FHIT: variants seen among roughly 807,000 people sequenced by gnomAD.
The protein encoded by FHIT is bis(5'-adenosyl)-triphosphatase.
FHIT carries 19 observed loss-of-function variants against 17.9 expected under a neutral mutation model. The ratio of observed to expected loss-of-function variants is 1.06; its 90% CI spans 0.74 to 1.56. The LOEUF (loss-of-function observed/expected upper bound fraction) is 1.56, where lower values mean the gene tolerates loss of function less well. Ranked by LOEUF, FHIT falls within the 40% of genes most tolerant of loss-of-function variation. The pLI, the probability that FHIT is intolerant of heterozygous loss-of-function variation, is 0.00. For synonymous variants in FHIT, 81 were observed against 69.7 expected (o/e 1.16, Z -0.81); for missense variants, 248 against 189.2 (o/e 1.31, Z -1.82).
chr3:60,406,315 G>T (rs373454346), intron 5 of FHIT, among the ~76,000 whole-genome samples: 20 of 152,274 alleles, frequency 1.3e-4, no homozygotes, highest in Admixed American at 3.9e-4. Context: ...TCTCTAAGAA[G>T]TTCCTGATCC....
At chr3:60,254,435 G>C (rs555459471) in intron 5 of FHIT, among the ~76,000 whole-genome samples, 69 of 152,126 alleles carry the variant, frequency 4.5e-4, no homozygotes, top group Admixed American at 7.9e-4. Flanking sequence ...TATATCAAAC[G>C]CACAGCAGAG....
intron 4 of FHIT, among the ~76,000 whole-genome samples, chr3:60,785,419 A>C (rs148647647): frequency 1.3e-5 from 2 of 152,288 alleles, no homozygotes; most frequent in East Asian, 3.9e-4. Context: ...ACAGGCAAAG[A>C]GTATATTAAA....
chr3:61,183,188 A>G (rs571592936), intron 2 of FHIT, among the ~76,000 whole-genome samples: 112 of 152,282 alleles, frequency 7.4e-4, no homozygotes, highest in Non-Finnish European at 1.4e-3. Flanking sequence ...CTCTCTGGGT[A>G]TCCTTCTCTC....
At position 60,255,393 on chromosome 3, in the gene FHIT, A is replaced by C. The variant is rs192341543; in HGVS notation, c.104-241241T>G. Among the ~76,000 whole-genome samples, 147 of 152,278 alleles carry C rather than the reference A, an allele frequency of 9.7e-4. 2 individuals are homozygous for C. Among genetic ancestry groups the C allele is most frequent in the Middle Eastern group, 3.4e-3 (1 of 294 alleles). On this transcript the variant is annotated intron_variant, in intron 5 of 9. Coordinates refer to ENST00000492590, the MANE Select transcript of FHIT (RefSeq NM_002012.4). ...AGGATGGCACAGGGGTTGCAAAGACAGATGTCTTTAGGGGCCTGGCAGGTA... is the reference window on the plus strand; with the variant it reads ...AGGATGGCACAGGGGTTGCAAAGACCGATGTCTTTAGGGGCCTGGCAGGTA...
intron 3 of FHIT, among the ~76,000 whole-genome samples, chr3:61,031,109 A>G (rs2032989787): frequency 6.6e-6 from 1 of 152,202 alleles, no homozygotes; most frequent in Non-Finnish European, 1.5e-5. Flanking sequence ...TTCAGCAAAA[A>G]ATGACTATAA....
At chr3:59,902,400 T>C (rs1704370444) in intron 8 of FHIT, among the ~76,000 whole-genome samples, 1 of 151,466 alleles carries the variant, frequency 6.6e-6, no homozygotes, top group African/African-American at 2.4e-5. Flanking sequence ...CCTCAAAAAT[T>C]AAAAATAGAA....
At chr3:60,910,708 G>A (rs1200839864) in intron 3 of FHIT, among the ~76,000 whole-genome samples, 4 of 152,052 alleles carry the variant, frequency 2.6e-5, no homozygotes, top group Non-Finnish European at 4.4e-5. Context: ...CACCATGCCC[G>A]GCCCAGGTCT....
intron 8 of FHIT, among the ~76,000 whole-genome samples, chr3:59,891,315 G>C (rs150411179): frequency 1.3e-5 from 2 of 152,204 alleles, no homozygotes; most frequent in Non-Finnish European, 2.9e-5. Context: ...ACCAGGAAAA[G>C]CATGATATGG....
Position 61,053,360 on chromosome 3 carries a change from T to C in FHIT, c.-163-11261A>G, listed in dbSNP as rs181867907. Among the ~76,000 whole-genome samples, 46 of 152,190 alleles carry C rather than the reference T, an allele frequency of 3.0e-4. No homozygotes were observed. In the East Asian group the frequency reaches 6.2e-3, roughly 20 times the overall value. ...AGAAGTTAATGATTCTTGGGGCTTT[T>C]TAAAAAAATTGTGTTCGGCTGGGTG... On this transcript the variant is annotated intron_variant, in intron 2 of 9. Transcript: ENST00000492590.
At chr3:60,552,181 G>T (rs1400703754) in intron 4 of FHIT, among the ~76,000 whole-genome samples, 5 of 151,974 alleles carry the variant, frequency 3.3e-5, no homozygotes, top group African/African-American at 4.8e-5. Flanking sequence ...CCTTTTAAAG[G>T]CTGAATAATA....
intron 7 of FHIT, among the ~76,000 whole-genome samples, chr3:59,927,470 A>AAAAAAC (rs1553718407): frequency 1.4e-5 from 2 of 145,312 alleles, no homozygotes; most frequent in Admixed American, 1.3e-4. Context: ...ACTTAAAAAA[A>AAAAAAC]AAAAAAAAAA....
At chr3:61,215,938 C>T (rs930555325) in intron 1 of FHIT, among the ~76,000 whole-genome samples, 6 of 152,002 alleles carry the variant, frequency 3.9e-5, no homozygotes, top group East Asian at 1.9e-4. Context: ...AACTAGCTAG[C>T]CATATGTAGA....
intron 2 of FHIT, among the ~76,000 whole-genome samples, chr3:61,164,822 A>C (rs150414484): frequency 1.5e-4 from 23 of 152,304 alleles, no homozygotes; most frequent in African/African-American, 5.5e-4. Flanking sequence ...AGTAGTCCCC[A>C]GTATCAATTG....
rs79830539 is a variant in FHIT at position 60,223,950 on chromosome 3, G to A, written c.104-209798C>T. ...TCCTGTTCTCTCTCAATTCTTGGTC[G>A]TGGTGCTTGATCCTCAGGTTAAAGC... is the stretch of plus-strand genomic sequence containing the variant. On this transcript the variant is annotated intron_variant, in intron 5 of 9. Coordinates refer to ENST00000492590, the MANE Select transcript of FHIT (RefSeq NM_002012.4). Among the ~76,000 whole-genome samples, 521 of 152,196 alleles carry A rather than the reference G, an allele frequency of 3.4e-3. 1 individual carries two copies. Among genetic ancestry groups the A allele is most frequent in the African/African-American group, 0.012 (482 of 41,520 alleles).
At chr3:60,955,611 T>TATATATACATATATATATATATAC (rs1559862282) in intron 3 of FHIT, among the ~76,000 whole-genome samples, 63 of 16,924 alleles carry the variant, frequency 3.7e-3, no homozygotes, top group Middle Eastern at 0.028. Flanking sequence ...TATATATATA[T>TATATATACATATATATATATATAC]ATATATATAT....
At chr3:61,233,722 A>C (rs2040161546) in intron 1 of FHIT, among the ~76,000 whole-genome samples, 1 of 152,192 alleles carries the variant, frequency 6.6e-6, no homozygotes, top group African/African-American at 2.4e-5. Context: ...CCACTTTTTT[A>C]ATCAGGCTAA....
intron 5 of FHIT, among the ~76,000 whole-genome samples, chr3:60,229,307 C>T (rs555160406): frequency 2.0e-4 from 30 of 151,988 alleles, no homozygotes; most frequent in Admixed American, 4.6e-4. Context: ...ATCCCAGCTA[C>T]TTGGGAGGCT....
intron 4 of FHIT, among the ~76,000 whole-genome samples, chr3:60,713,526 G>T (rs1357912748): frequency 1.6e-4 from 24 of 149,808 alleles, no homozygotes; most frequent in East Asian, 1.4e-3. Flanking sequence ...TTGATAGACC[G>T]CTAGCAAGAC....
chr3:60,313,388 A>C (rs1382375845), intron 5 of FHIT, among the ~76,000 whole-genome samples: 2 of 152,216 alleles, frequency 1.3e-5, no homozygotes, highest in African/African-American at 4.8e-5. Context: ...GATCTCTTGA[A>C]AACAGTCACA....
Sources: gnomAD v4.1 joint callset for allele counts (sites outside exome capture counted in the v4.1 genomes callset) on GRCh38, gnomAD v4.1.1 for gene constraint, MANE v1.5 for transcripts, NCBI Gene and HGNC (gene_info 2026-07-23, HGNC 2026-07-21) for gene names.